Variants in DAB1 observed in about 807,000 individuals in gnomAD.
DAB1 encodes DAB adaptor protein 1, also known as disabled homolog 1.
DAB1 carries 15 observed loss-of-function variants against 64.6 expected under a neutral mutation model. The ratio of observed to expected loss-of-function variants is 0.23; its 90% CI spans 0.16 to 0.36. The LOEUF (loss-of-function observed/expected upper bound fraction) is 0.36, where lower values mean the gene tolerates loss of function less well. DAB1 is among the 10% of genes least tolerant of loss of function. The pLI is 1.00. For missense variants in DAB1, 596 were observed against 706.7 expected, an observed-to-expected ratio of 0.84 and a Z score of 1.78; for synonymous variants, 235 against 251.9, an observed-to-expected ratio of 0.93 and a Z score of 0.64.
At chr1:57,862,157 A>G (rs1385838955) in intron 1 of DAB1, among the ~76,000 whole-genome samples, 1 of 152,214 alleles carries the variant, frequency 6.6e-6, no homozygotes, top group African/African-American at 2.4e-5. Context: ...AAATCTTACT[A>G]TATGCTAAGC....
chr1:57,693,278 G>T (rs1229584994), intron 6 of DAB1, among the ~76,000 whole-genome samples: 1 of 152,122 alleles, frequency 6.6e-6, no homozygotes, highest in Non-Finnish European at 1.5e-5. Context: ...CTGTTTAGAG[G>T]GGGGATTAAG....
chr1:57,400,591 T>C (rs555469054), intron 1 of DAB1, among the ~76,000 whole-genome samples: 4 of 151,970 alleles, frequency 2.6e-5, no homozygotes, highest in Non-Finnish European at 5.9e-5. Flanking sequence ...AAAGTATTTT[T>C]CACATTGTTT....
intron 1 of DAB1, among the ~76,000 whole-genome samples, chr1:57,374,576 T>C (rs1165841989): frequency 6.6e-6 from 1 of 152,216 alleles, no homozygotes; most frequent in Non-Finnish European, 1.5e-5. Flanking sequence ...ATTAAGTGTT[T>C]AAGCTTCAAA....
chr1:57,158,057 A>C, intron 2 of DAB1, among the ~76,000 whole-genome samples: 1 of 152,080 alleles, frequency 6.6e-6, no homozygotes, highest in African/African-American at 2.4e-5. Flanking sequence ...AGCAAGTTAA[A>C]GTTTCTGAGT....
At chr1:57,728,143 C>G (rs1647260784) in intron 6 of DAB1, among the ~76,000 whole-genome samples, 1 of 152,160 alleles carries the variant, frequency 6.6e-6, no homozygotes, top group African/African-American at 2.4e-5. Context: ...TGTCTGGGCT[C>G]AAAGGTGACC....
At chr1:57,471,457 G>A (rs560557060) in intron 7 of DAB1, among the ~76,000 whole-genome samples, 73 of 152,080 alleles carry the variant, frequency 4.8e-4, no homozygotes, top group Non-Finnish European at 8.7e-4. Context: ...CATGTTTATC[G>A]GTCACTGATA....
chr1:58,452,345 C>CA (rs1645146469), intron 3 of DAB1, among the ~76,000 whole-genome samples: 1 of 151,622 alleles, frequency 6.6e-6, no homozygotes, highest in Non-Finnish European at 1.5e-5. Context: ...TAGGAAAATG[C>CA]AAATTAAAAT....
At chr1:57,872,009 G>A (rs1643959358) in intron 1 of DAB1, among the ~76,000 whole-genome samples, 1 of 152,194 alleles carries the variant, frequency 6.6e-6, no homozygotes, top group Non-Finnish European at 1.5e-5. Flanking sequence ...CTAAGCCTTA[G>A]CTTCCTCATC....
intron 7 of DAB1, among the ~76,000 whole-genome samples, chr1:57,611,259 C>T (rs1645723305): frequency 6.6e-6 from 1 of 151,800 alleles, no homozygotes; most frequent in Non-Finnish European, 1.5e-5. Context: ...CTGCCCTGCT[C>T]AGCAGCAAGG....
intron 4 of DAB1, among the ~76,000 whole-genome samples, chr1:57,094,055 G>C (rs1653929811): frequency 6.7e-6 from 1 of 150,106 alleles, no homozygotes; most frequent in Non-Finnish European, 1.5e-5. Context: ...GTTGCAGTGA[G>C]CTGAGGTCAT....
intron 1 of DAB1, among the ~76,000 whole-genome samples, chr1:57,345,476 G>C (rs1227470737): frequency 6.6e-6 from 1 of 152,188 alleles, no homozygotes; most frequent in Non-Finnish European, 1.5e-5. Context: ...ACCAACAGGG[G>C]TGACTGAAAA....
intron 2 of DAB1, among the ~76,000 whole-genome samples, chr1:57,268,345 T>C (rs1670740599): frequency 1.3e-5 from 2 of 152,248 alleles, no homozygotes; most frequent in Non-Finnish European, 2.9e-5. Context: ...CGTGATATTT[T>C]CTGTTTGTTA....
At chr1:57,488,813 T>G (rs951480241) in intron 7 of DAB1, among the ~76,000 whole-genome samples, 16 of 152,222 alleles carry the variant, frequency 1.1e-4, no homozygotes, top group African/African-American at 3.6e-4. Flanking sequence ...ATTTATATGT[T>G]TTTAAAATTC....
chr1:58,517,231 C>A (rs1438380235), intron 2 of DAB1, among the ~76,000 whole-genome samples: 1 of 152,174 alleles, frequency 6.6e-6, no homozygotes, highest in African/African-American at 2.4e-5. Context: ...AAAGTCCTGA[C>A]CCCTATGCTA....
intron 5 of DAB1, among the ~76,000 whole-genome samples, chr1:57,987,744 G>A (rs1172116963): frequency 2.6e-5 from 4 of 152,244 alleles, no homozygotes; most frequent in South Asian, 4.1e-4. Context: ...CTCTGCTGGC[G>A]CTCAGAGAGA....
At chr1:58,397,138 G>A (rs1220211128) in intron 3 of DAB1, among the ~76,000 whole-genome samples, 1 of 152,000 alleles carries the variant, frequency 6.6e-6, no homozygotes, top group Non-Finnish European at 1.5e-5. Flanking sequence ...AGAGAGGGAG[G>A]GAGAGAGCGG....
chr1:57,361,718 G>A (rs1679567316), intron 1 of DAB1, among the ~76,000 whole-genome samples: 1 of 152,058 alleles, frequency 6.6e-6, no homozygotes, highest in South Asian at 2.1e-4. Flanking sequence ...AGCCCAGATG[G>A]GGCTGCTCCC....
chr1:57,816,280 C>T (rs1427618644), intron 6 of DAB1, among the ~76,000 whole-genome samples: 1 of 152,208 alleles, frequency 6.6e-6, no homozygotes, highest in East Asian at 1.9e-4. Flanking sequence ...GGTTCCATCT[C>T]ACTATGCCAT....
intron 6 of DAB1, among the ~76,000 whole-genome samples, chr1:57,790,576 C>T (rs1650547174): frequency 6.6e-6 from 1 of 152,066 alleles, no homozygotes; most frequent in Non-Finnish European, 1.5e-5. Flanking sequence ...CAGAACCAGC[C>T]CAAAGCAACT....
Sources: allele counts gnomAD v4.1 joint callset (sites outside exome capture counted in the v4.1 genomes callset), GRCh38; gene constraint gnomAD v4.1.1; transcripts MANE v1.5; gene names NCBI Gene and HGNC (gene_info 2026-07-23, HGNC 2026-07-21).